Variants in SPAG17 observed in about 807,000 individuals in gnomAD.
The protein encoded by SPAG17 is sperm-associated antigen 17.
In SPAG17, 169 loss-of-function variants were observed where a neutral mutation model predicts 273.6. The observed-to-expected ratio is 0.62, with a 90% CI of 0.55 to 0.70. The LOEUF (loss-of-function observed/expected upper bound fraction) is 0.70, where lower values mean the gene tolerates loss of function less well. Among genes scored for constraint, SPAG17 ranks in the 30% least tolerant of loss-of-function variants. The pLI, the probability that SPAG17 is intolerant of heterozygous loss-of-function variation, is 0.00. For missense variants in SPAG17, 2,557 were observed against 2,627.8 expected (o/e 0.97, Z 0.59); for synonymous variants, 825 against 873.2 (o/e 0.94, Z 0.97).
Position 117,981,355 on chromosome 1 carries a change from A to G in SPAG17, c.5919T>C (p.Pro1973=). The G allele has an allele frequency of 6.2e-7, 1 of 1,604,042 alleles. No individual in the cohort carries two copies. The highest frequency in any genetic ancestry group is 1.1e-5 in the South Asian group (1 of 88,418). Residue 1973 remains proline (P), a synonymous_variant, in exon 43 of 49, where the codon CCT becomes CCC. Coordinates refer to ENST00000336338, the MANE Select transcript of SPAG17 (RefSeq NM_206996.4). The stretch of plus-strand genomic sequence containing the variant: ...CAGAAATCTCTGGTTTTGGAAGACT[A>G]GGCACACTTGAGGATTTCTGTTCTG... ...KVSEQKSSSV[P]SLPKPEISAD...
intron 15 of SPAG17, among the ~76,000 whole-genome samples, chr1:118,077,924 G>C (rs1654239102): frequency 6.6e-6 from 1 of 152,146 alleles, no homozygotes; most frequent in Non-Finnish European, 1.5e-5. Context: ...TTAGCCCTCT[G>C]TTCAAATCCT....
intron 18 of SPAG17, among the ~76,000 whole-genome samples, chr1:118,059,884 T>C (rs1187240444): frequency 6.6e-6 from 1 of 152,142 alleles, no homozygotes; most frequent in Non-Finnish European, 1.5e-5. Context: ...GGTTTTATTA[T>C]CCGTTAGTCC....
chr1:118,130,762 TCC>T (rs1658013678), intron 3 of SPAG17, among the ~76,000 whole-genome samples: 1 of 152,156 alleles, frequency 6.6e-6, no homozygotes, highest in Non-Finnish European at 1.5e-5. Flanking sequence ...TTATTCAGGA[TCC>T]AATAACCTAA....
chr1:118,130,287 G>C (rs149435679), intron 3 of SPAG17, among the ~76,000 whole-genome samples: 6 of 152,142 alleles, frequency 3.9e-5, no homozygotes, highest in African/African-American at 1.4e-4. Flanking sequence ...TGGGAACCTA[G>C]TTAAAGATAT....
At chr1:118,034,553 T>C (rs145976704) in intron 24 of SPAG17, among the ~76,000 whole-genome samples, 1 of 152,194 alleles carries the variant, frequency 6.6e-6, no homozygotes. Context: ...TCAGAGCAAG[T>C]AACACCTCTA....
intron 45 of SPAG17, among the ~76,000 whole-genome samples, chr1:117,970,325 G>A (rs776987202): frequency 3.9e-5 from 6 of 152,182 alleles, no homozygotes; most frequent in East Asian, 3.9e-4. Flanking sequence ...TTTCATCAGC[G>A]TAAAACGGGC....
chr1:118,045,387 A>C (rs1255563104), intron 20 of SPAG17, among the ~76,000 whole-genome samples: 2 of 152,036 alleles, frequency 1.3e-5, no homozygotes, highest in Non-Finnish European at 2.9e-5. Flanking sequence ...CTCCGTAAAA[A>C]CCTCTAAACA....
At chr1:118,082,869 G>A (rs544642635) in intron 13 of SPAG17, among the ~76,000 whole-genome samples, 3 of 152,274 alleles carry the variant, frequency 2.0e-5, no homozygotes, top group African/African-American at 7.2e-5. Flanking sequence ...CAAATGCAAC[G>A]ATCCTGAGGC....
intron 3 of SPAG17, among the ~76,000 whole-genome samples, chr1:118,118,324 T>C (rs562417352): frequency 2.6e-5 from 4 of 152,316 alleles, no homozygotes; most frequent in African/African-American, 4.8e-5. Context: ...CATATGTGTG[T>C]GCACTGGGGG....
At chr1:118,120,660 T>C (rs995573415) in intron 3 of SPAG17, among the ~76,000 whole-genome samples, 3 of 152,180 alleles carry the variant, frequency 2.0e-5, no homozygotes, top group South Asian at 2.1e-4. Flanking sequence ...ACAAGAAACT[T>C]GTCTTTGTTT....
intron 12 of SPAG17, 128 bp from the exon 13 acceptor site, chr1:118,086,200 G>T: frequency 1.1e-6 from 1 of 906,034 alleles, no homozygotes; most frequent in Non-Finnish European, 1.6e-6. Context: ...AATGGTAATT[G>T]GGAAAGACAA....
Position 117,954,034 on chromosome 1 carries a change from T to C in SPAG17, c.*16A>G. The C allele has an allele frequency of 1.2e-6, 2 of 1,612,206 alleles. No homozygotes were observed. The highest frequency in any genetic ancestry group is 8.5e-7 in the Non-Finnish European group (1 of 1,178,782). ...TGAGAGGATTATGGAGGCTATTGAG[T>C]TGTACCGAGAAGAAACTGCAAAAAT... is the stretch of plus-strand genomic sequence containing the variant. On this transcript the variant is annotated 3_prime_UTR_variant, in exon 49 of 49. Coordinates refer to ENST00000336338, the MANE Select transcript of SPAG17 (RefSeq NM_206996.4).
At chr1:118,129,082 C>T (rs1570744539) in intron 3 of SPAG17, among the ~76,000 whole-genome samples, 1 of 152,144 alleles carries the variant, frequency 6.6e-6, no homozygotes, top group Non-Finnish European at 1.5e-5. Flanking sequence ...TTACCTTCTT[C>T]GGGAAGCTGA....
At chr1:118,056,311 G>A (rs1401024926) in intron 18 of SPAG17, among the ~76,000 whole-genome samples, 1 of 152,076 alleles carries the variant, frequency 6.6e-6, no homozygotes, top group Non-Finnish European at 1.5e-5. Context: ...TCTTTTTTGG[G>A]CAATTTTATA....
chr1:117,995,695 AACAC>A (rs10570645), intron 34 of SPAG17, among the ~76,000 whole-genome samples: 4,429 of 140,520 alleles, frequency 0.032, 69 homozygotes, highest in Admixed American at 0.05. Context: ...AAGATGAAAT[AACAC>A]ACACACACAC....
intron 3 of SPAG17, among the ~76,000 whole-genome samples, chr1:118,135,671 C>G (rs1310942626): frequency 6.6e-6 from 1 of 152,110 alleles, no homozygotes; most frequent in African/African-American, 2.4e-5. Flanking sequence ...GAGATGTTTT[C>G]TGCATGGGGA....
chr1:117,983,273 A>G (rs1222149340), intron 42 of SPAG17, among the ~76,000 whole-genome samples: 2 of 152,192 alleles, frequency 1.3e-5, no homozygotes, highest in Admixed American at 1.3e-4. Context: ...TGCCCCCATG[A>G]TTCAATTACC....
At chr1:118,033,745 G>A (rs1365407366) in intron 24 of SPAG17, among the ~76,000 whole-genome samples, 1 of 152,164 alleles carries the variant, frequency 6.6e-6, no homozygotes, top group Non-Finnish European at 1.5e-5. Context: ...TTTCTGTGAA[G>A]ATGCCATGTT....
At chr1:118,159,192 T>C (rs1231770695) in intron 1 of SPAG17, among the ~76,000 whole-genome samples, 1 of 152,228 alleles carries the variant, frequency 6.6e-6, no homozygotes, top group African/African-American at 2.4e-5. Context: ...TAGACAACAC[T>C]GTACATGGCT....
Sources: allele counts gnomAD v4.1 joint callset (sites outside exome capture counted in the v4.1 genomes callset), GRCh38; gene constraint gnomAD v4.1.1; transcripts MANE v1.5; gene names NCBI Gene and HGNC (gene_info 2026-07-23, HGNC 2026-07-21).